C2: variants seen among roughly 807,000 people sequenced by gnomAD.
C2 encodes the protein C3/C5 convertase.
C2 carries 64 observed loss-of-function variants against 85.2 expected under a neutral mutation model. That is an observed-to-expected ratio of 0.75 (90% CI 0.61 to 0.92). C2 has a LOEUF of 0.92. Among genes scored for constraint, C2 ranks in the 40% least tolerant of loss-of-function variants. The probability of loss-of-function intolerance (pLI) is 0.00; values close to 1 mark genes in which losing one functional copy is unlikely to be tolerated. For synonymous variants in C2, 311 were observed against 370.8 expected, an observed-to-expected ratio of 0.84 and a Z score of 1.85; for missense variants, 820 against 971.6, an observed-to-expected ratio of 0.84 and a Z score of 2.07.
intron 9 of C2, 167 bp from the exon 10 acceptor site, chr6:31,942,792 G>T: frequency 1.4e-6 from 1 of 738,172 alleles, no homozygotes. Context: ...AGAGTGAAGG[G>T]CAGGGAGTGG....
chr6:31,945,429 C>A lies in C2; in HGVS notation c.*72C>A. 1 of 1,369,838 alleles carries A rather than the reference C, an allele frequency of 7.3e-7. No individual in the cohort carries two copies. Among genetic ancestry groups the A allele is most frequent in the Non-Finnish European group, 1.0e-6 (1 of 965,344 alleles). The allele number at this position is 1,369,838 out of a possible 1,614,324, so 84.9% of individuals were successfully genotyped here. A position where few individuals can be genotyped will look rare whatever the true frequency, so the allele number is the denominator to read the frequency against. On this transcript the variant is annotated 3_prime_UTR_variant, in exon 18 of 18. Transcript: ENST00000299367. This position sits in a 1 kb window ranked among gnomAD's most constrained non-coding sequence, Gnocchi z 5.3. ...TCCATCTTCTACCTCTGAATGGCCA[C>A]CCTTAGACCCTGTGATCCATCCTCT...
chr6:31,930,142 C>T (rs1317427133), intron 3 of C2, among the ~76,000 whole-genome samples: 2 of 150,398 alleles, frequency 1.3e-5, no homozygotes, highest in African/African-American at 2.4e-5. Context: ...AGTGCAATGG[C>T]GCAATCTCAG....
upstream of C2, among the ~76,000 whole-genome samples, chr6:31,926,975 G>A (rs775804474): frequency 6.6e-6 from 1 of 152,040 alleles, no homozygotes; most frequent in Non-Finnish European, 1.5e-5. Flanking sequence ...CCCAGCCCCC[G>A]CAAAAGTTTT....
At chr6:31,925,451 C>T (rs1015583626), upstream of C2, among the ~76,000 whole-genome samples, 2 of 152,136 alleles carry the variant, frequency 1.3e-5, no homozygotes, top group Admixed American at 1.3e-4. Context: ...TGCCACCACG[C>T]CCAGCTAATT....
Position 31,944,099 on chromosome 6 carries a change from A to G in C2, c.1811-36A>G, listed in dbSNP as rs1562617633. 2 of 1,593,416 alleles carry G rather than the reference A, an allele frequency of 1.3e-6. No individual in the cohort carries two copies. The highest frequency in any genetic ancestry group is 8.6e-7 in the Non-Finnish European group (1 of 1,162,096). ...GCCAGGAACCTGGATTCTGGGTAAA[A>G]GGACCAGCACCAACATCCCCTTCTC... On this transcript the variant is annotated intron_variant, in intron 14 of 17. Transcript: ENST00000299367. This position sits in a 1 kb window ranked among gnomAD's most constrained non-coding sequence, Gnocchi z 5.1.
intron 1 of C2, among the ~76,000 whole-genome samples, chr6:31,910,357 A>G (rs1275934115): frequency 6.8e-6 from 1 of 146,262 alleles, no homozygotes; most frequent in African/African-American, 2.6e-5. Context: ...TTTTTTTGAC[A>G]AGGTCTCACT....
rs1767605565 is a variant in C2 at position 31,904,726 on chromosome 6, C to T, written c.73+3587C>T. 6.6e-6 allele frequency among the ~76,000 whole-genome samples: 1 copy of T among 152,064 alleles called. No homozygotes were observed. The highest frequency in any genetic ancestry group is 1.5e-5 in the Non-Finnish European group (1 of 68,046). On this transcript the variant is annotated intron_variant, in intron 1 of 3. Transcript: ENST00000452202. The surrounding 1 kb of genome is among the most constrained non-coding windows in gnomAD (Gnocchi z 4.4). ...TGAGAGCAGAAATACAAAAAGCTGT[C>T]AAGTTAAGAATTAGAGTTTGTAAAA...
At chr6:31,900,334 G>A (rs1334878117), upstream of C2, 2 of 1,610,460 alleles carry the variant, frequency 1.2e-6, no homozygotes, top group Admixed American at 1.7e-5. This position sits in a 1 kb window ranked among gnomAD's most constrained non-coding sequence, Gnocchi z 9.7. Flanking sequence ...TTCCACCTGA[G>A]AAGCCCCCAG....
In C2 at chr6:31,944,183, T is replaced by C; in HGVS notation, c.1859T>C (p.Leu620Ser). Residue 620 changes from leucine (L) to serine (S), a missense_variant, in exon 15 of 18, where the codon TTG becomes TCG. Physicochemically the swap from Leu to Ser is moderately radical, Grantham distance 145 (BLOSUM62 -2). Transcript: ENST00000299367. This position sits in a 1 kb window ranked among gnomAD's most constrained non-coding sequence, Gnocchi z 5.1. ...AGTGTTCCTGCTCATTTTGTCGCCT[T>C]GAATGGGAGCAAACTGAACATTAAC... ...KQSVPAHFVA[L>S]NGSKLNINLK... The C allele has an allele frequency of 6.2e-7, 1 of 1,612,856 alleles. No individual in the cohort carries two copies. The highest frequency in any genetic ancestry group is 8.5e-7 in the Non-Finnish European group (1 of 1,179,850).
At position 31,933,754 on chromosome 6, in the gene C2, T is replaced by A. The variant is rs1562596625; in HGVS notation, c.587T>A (p.Val196Asp). The A allele has an allele frequency of 6.2e-7, 1 of 1,613,410 alleles. No homozygotes were observed. The highest frequency in any genetic ancestry group is 8.5e-7 in the Non-Finnish European group (1 of 1,179,958). The part of the protein sequence containing the change: ...SSERECQGNG[V>D]WSGTEPICRQ... ...GAGCGGGAGTGCCAGGGCAACGGGG[T>A]CTGGAGTGGAACGGAGCCCATCTGC... The change falls in exon 4 of 18, where the codon GTC becomes GAC. Residue 196 changes from valine to aspartate, a missense_variant. Physicochemically the swap from Val to Asp is radical, Grantham distance 152. Coordinates refer to ENST00000299367, the MANE Select transcript of C2 (RefSeq NM_000063.6).
chr6:31,902,709 C>T (rs1223018379), intron 1 of C2, among the ~76,000 whole-genome samples: 2 of 152,178 alleles, frequency 1.3e-5, no homozygotes, highest in Non-Finnish European at 2.9e-5. Flanking sequence ...CGATCCAGTG[C>T]CCTCAACTTT....
At chr6:31,934,007 G>A in intron 5 of C2, 42 bp downstream of exon 5, 5 of 1,583,814 alleles carry the variant, frequency 3.2e-6, no homozygotes, top group East Asian at 2.2e-5. Context: ...CAGGGTGCTG[G>A]ATCTGGGCCG....
chr6:31,933,833 G>T (rs1008619459), intron 4 of C2, 34 bp from the exon 5 acceptor site: 2 of 1,613,510 alleles, frequency 1.2e-6, no homozygotes, highest in Non-Finnish European at 1.7e-6. Flanking sequence ...CCCGGCCACT[G>T]CCCCGGCTGA....
At chr6:31,906,387 C>T (rs781705483) in intron 1 of C2, among the ~76,000 whole-genome samples, 2 of 151,884 alleles carry the variant, frequency 1.3e-5, no homozygotes, top group Non-Finnish European at 2.9e-5. Context: ...GGAGCCCTCT[C>T]CCAGCCTCAA....
upstream of C2, chr6:31,900,768 C>G: frequency 6.3e-7 from 1 of 1,577,972 alleles, no homozygotes; most frequent in Non-Finnish European, 8.6e-7. This position sits in a 1 kb window ranked among gnomAD's most constrained non-coding sequence, Gnocchi z 9.7. Flanking sequence ...TCCAGCTTCA[C>G]TGGCCGCAGG....
At chr6:31,901,026 C>T in exon 1 of C2, 1 of 1,614,200 alleles carries the variant, frequency 6.2e-7, no homozygotes, top group Non-Finnish European at 8.5e-7. Context: ...ACAGCGAATT[C>T]CAAGGCGCCC....
chr6:31,911,913 A>C (rs1582025661), intron 1 of C2, among the ~76,000 whole-genome samples: 1 of 145,390 alleles, frequency 6.9e-6, no homozygotes, highest in Non-Finnish European at 1.5e-5. Flanking sequence ...TACAGGCATG[A>C]GCCACCATGT....
At chr6:31,934,603 C>T (rs1384811562) in intron 6 of C2, 6 of 1,409,924 alleles carry the variant, frequency 4.3e-6, no homozygotes, top group Admixed American at 3.0e-5. Flanking sequence ...AGATAACCCA[C>T]AGGAGTGAAG....
chr6:31,911,034 C>T (rs1048172835), intron 1 of C2, among the ~76,000 whole-genome samples: 1 of 151,846 alleles, frequency 6.6e-6, no homozygotes, highest in African/African-American at 2.4e-5. Context: ...TGTGGTGGCT[C>T]ATGCCTGTAA....
Sources: gnomAD v4.1 joint callset for allele counts (sites outside exome capture counted in the v4.1 genomes callset) on GRCh38, gnomAD v4.1.1 for gene constraint, Gnocchi (gnomAD v3.1) non-coding constraint, MANE v1.5 for transcripts, NCBI Gene and HGNC (gene_info 2026-07-23, HGNC 2026-07-21) for gene names.